Variants in COG5 observed in about 807,000 individuals in gnomAD.
The protein encoded by COG5 is conserved oligomeric Golgi complex subunit 5.
COG5 carries 86 observed loss-of-function variants against 110.4 expected under a neutral mutation model. The ratio of observed to expected loss-of-function variants is 0.78; its 90% CI spans 0.65 to 0.93. The LOEUF is 0.93. Among genes scored for constraint, COG5 ranks in the 40% least tolerant of loss-of-function variants. The pLI is 0.00. For synonymous variants in COG5, 360 were observed against 334.6 expected (o/e 1.08, Z -0.83); for missense variants, 1,077 against 987.0 (o/e 1.09, Z -1.22).
chr7:107,328,300 T>C (rs1359106922), intron 10 of COG5, among the ~76,000 whole-genome samples: 3 of 152,216 alleles, frequency 2.0e-5, no homozygotes, highest in Non-Finnish European at 1.5e-5. Flanking sequence ...AGTACATTTG[T>C]GTATCTAAAC....
At chr7:107,246,991 T>C (rs963267697) in intron 17 of COG5, among the ~76,000 whole-genome samples, 3 of 152,148 alleles carry the variant, frequency 2.0e-5, no homozygotes, top group Non-Finnish European at 4.4e-5. Context: ...AATGACATAG[T>C]GGATAAAGAA....
intron 11 of COG5, among the ~76,000 whole-genome samples, chr7:107,306,537 T>G (rs563633515): frequency 1.3e-5 from 2 of 152,214 alleles, no homozygotes; most frequent in Admixed American, 1.3e-4. Flanking sequence ...AATATTAGGA[T>G]GGAATGAATG....
intron 6 of COG5, among the ~76,000 whole-genome samples, chr7:107,430,324 G>A (rs1362218840): frequency 6.6e-6 from 1 of 152,128 alleles, no homozygotes; most frequent in Admixed American, 6.5e-5. Flanking sequence ...GTTGTCCCAG[G>A]ACAATTTTTT....
intron 6 of COG5, among the ~76,000 whole-genome samples, chr7:107,512,332 C>A (rs1341238768): frequency 6.6e-6 from 1 of 152,160 alleles, no homozygotes; most frequent in Non-Finnish European, 1.5e-5. Flanking sequence ...AGGAATCTAA[C>A]TTACAAGGGA....
In COG5 at chr7:107,241,074, G is replaced by T. The variant is rs1801583235; in HGVS notation, c.1854-4387C>A. Among the ~76,000 whole-genome samples the T allele has an allele frequency of 1.3e-5, 2 of 152,220 alleles. 1 individual carries two copies. Among genetic ancestry groups the T allele is most frequent in the South Asian group, 4.1e-4 (2 of 4,830 alleles). On this transcript the variant is annotated intron_variant, in intron 17 of 21. Transcript: ENST00000297135. ...GGCTCACTAGAATTTAAGCAAATTAGTAAAAACACATCTATTTGGGAACTA... is the reference window on the plus strand; with the variant it reads ...GGCTCACTAGAATTTAAGCAAATTATTAAAAACACATCTATTTGGGAACTA...
chr7:107,352,550 T>A, intron 10 of COG5, among the ~76,000 whole-genome samples: 1 of 146,542 alleles, frequency 6.8e-6, no homozygotes, highest in Non-Finnish European at 1.5e-5. Context: ...GGTTTATCCC[T>A]ATTCAATATT....
rs1204384333 is a variant in COG5 at position 107,288,887 on chromosome 7, C to T, written c.1314-5155G>A. On this transcript the variant is annotated intron_variant, in intron 12 of 21. Coordinates refer to ENST00000297135, the MANE Select transcript of COG5 (RefSeq NM_006348.5). ...CCAAATCCTAATGCATGAAGATTTG[C>T]CCCTATGTTTTCTAACAGAGATATA... 2.4e-5 allele frequency among the ~76,000 whole-genome samples: 3 copies of T among 127,654 alleles called. No individual in the cohort carries two copies. In the East Asian group the frequency reaches 6.9e-4, roughly 29 times the overall value. 83.7% of individuals were successfully genotyped at this position (127,654 alleles called of 152,430 possible).
rs1796882973 is a variant in COG5, at chr7:107,474,964, C to T, written c.538+52273G>A. 5 of 1,612,152 alleles carry T rather than the reference C, an allele frequency of 3.1e-6. No individual in the cohort carries two copies. The highest frequency in any genetic ancestry group is 1.1e-5 in the South Asian group (1 of 90,880). Reference sequence around the variant, plus strand: ...CCTCCGGCGAGCTGTGAAACGACACCGTGAACGACGAGAAAGACAAAAGAG... The same window carrying T: ...CCTCCGGCGAGCTGTGAAACGACACTGTGAACGACGAGAAAGACAAAAGAG... On this transcript the variant is annotated intron_variant, in intron 6 of 21. Coordinates refer to ENST00000297135, the MANE Select transcript of COG5 (RefSeq NM_006348.5). The surrounding 1 kb of genome is among the most constrained non-coding windows in gnomAD (Gnocchi z 5.7).
chr7:107,547,944 G>T, intron 5 of COG5, 167 bp downstream of exon 5: 1 of 634,488 alleles, frequency 1.6e-6, no homozygotes, highest in Admixed American at 2.9e-5. Context: ...CTTTAGATTT[G>T]TATTTTTTGA....
chr7:107,249,138 A>G (rs1309879112), intron 16 of COG5, among the ~76,000 whole-genome samples: 1 of 152,148 alleles, frequency 6.6e-6, no homozygotes, highest in Non-Finnish European at 1.5e-5. Flanking sequence ...CTAATAGGGC[A>G]CAACAGTTGC....
At chr7:107,342,483 G>A (rs1252094321) in intron 10 of COG5, among the ~76,000 whole-genome samples, 1 of 151,586 alleles carries the variant, frequency 6.6e-6, no homozygotes, top group Admixed American at 6.6e-5. Context: ...TTTGAGACAA[G>A]CATGGCCAAC....
chr7:107,290,324 T>C (rs1057477661), intron 12 of COG5, among the ~76,000 whole-genome samples: 20 of 152,288 alleles, frequency 1.3e-4, no homozygotes, highest in African/African-American at 4.8e-4. Flanking sequence ...AGGTCTCAGA[T>C]CCTTCAGTGA....
At chr7:107,370,825 C>CAA (rs1197828698) in intron 8 of COG5, among the ~76,000 whole-genome samples, 5 of 146,630 alleles carry the variant, frequency 3.4e-5, no homozygotes, top group Non-Finnish European at 6.0e-5. Context: ...TATACACACA[C>CAA]AATAATTGTG....
chr7:107,310,242 G>A (rs147397541), intron 11 of COG5, among the ~76,000 whole-genome samples: 4 of 152,282 alleles, frequency 2.6e-5, no homozygotes, highest in Admixed American at 6.5e-5. Flanking sequence ...GAAAAAGCTC[G>A]TTGTAGAAGC....
chr7:107,558,148 A>C (rs748265162), intron 1 of COG5, 33 bp from the exon 2 acceptor site: 15 of 1,606,804 alleles, frequency 9.3e-6, no homozygotes, highest in Non-Finnish European at 1.1e-5. Context: ...AAAAGTCCTT[A>C]ATTACCCTGT....
At chr7:107,322,579 T>C (rs1375708960) in intron 11 of COG5, among the ~76,000 whole-genome samples, 2 of 152,062 alleles carry the variant, frequency 1.3e-5, no homozygotes, top group Non-Finnish European at 2.9e-5. Context: ...GACAATATCA[T>C]GGATTGGCAA....
At chr7:107,425,831 G>A (rs546621980) in intron 6 of COG5, among the ~76,000 whole-genome samples, 18 of 152,234 alleles carry the variant, frequency 1.2e-4, no homozygotes, top group Admixed American at 1.2e-3. Context: ...TTCATATGTT[G>A]AAGTCCTAAT....
At chr7:107,205,984 G>A (rs1408543011) in intron 21 of COG5, among the ~76,000 whole-genome samples, 4 of 150,304 alleles carry the variant, frequency 2.7e-5, no homozygotes, top group Admixed American at 1.3e-4. Context: ...TTTTTGAGAC[G>A]GAGTCTTGCT....
At chr7:107,557,845 G>T in intron 2 of COG5, 131 bp downstream of exon 2, 1 of 1,227,816 alleles carries the variant, frequency 8.1e-7, no homozygotes, top group Non-Finnish European at 1.1e-6. Context: ...AATTTACTTT[G>T]AAAAATAAGT....
Sources: allele counts gnomAD v4.1 joint callset (sites outside exome capture counted in the v4.1 genomes callset), GRCh38; gene constraint gnomAD v4.1.1; non-coding constraint Gnocchi (gnomAD v3.1); transcripts MANE v1.5; gene names NCBI Gene and HGNC (gene_info 2026-07-23, HGNC 2026-07-21).